KDM4C: variants seen among roughly 807,000 people sequenced by gnomAD.
KDM4C encodes lysine demethylase 4C, also known as lysine-specific demethylase 4C.
KDM4C carries 81 observed loss-of-function variants against 129.3 expected under a neutral mutation model. That is an observed-to-expected ratio of 0.63 (90% CI 0.52 to 0.75). The LOEUF is 0.75. Among genes scored for constraint, KDM4C ranks in the 30% least tolerant of loss-of-function variants. KDM4C has a pLI of 0.00. For synonymous variants in KDM4C, 573 were observed against 456.1 expected (o/e 1.26, Z -3.26); for missense variants, 1,457 against 1,304.0 (o/e 1.12, Z -1.81).
intron 4 of KDM4C, among the ~76,000 whole-genome samples, chr9:6,834,114 C>T (rs1231397288): frequency 2.1e-5 from 3 of 142,338 alleles, no homozygotes; most frequent in South Asian, 2.3e-4. Flanking sequence ...TCTTGGCTCA[C>T]TGCAACCTCC....
In KDM4C at chr9:7,128,193, A is replaced by T. The variant is rs760389785; in HGVS notation, c.2738A>T (p.Asp913Val). 1 of 1,609,624 alleles carries T rather than the reference A, an allele frequency of 6.2e-7. No homozygotes were observed. The highest frequency in any genetic ancestry group is 1.3e-5 in the African/African-American group (1 of 74,682). ...TSQTFYEVMF[D>V]DGSFSRDTFP... ...CAGACCTTCTATGAGGTCATGTTTG[A>T]TGATGGCTCCTTTAGCAGAGACACA... Residue 913 changes from aspartate to valine, a missense_variant, in exon 19 of 22, where the codon GAT (aspartate) becomes GTT (valine). Asp to Val is a radical substitution (Grantham distance 152, BLOSUM62 -3). Coordinates refer to ENST00000381309, the MANE Select transcript of KDM4C (RefSeq NM_015061.6).
At chr9:7,172,449 C>CAGCAGAA (rs1845060757) in intron 21 of KDM4C, among the ~76,000 whole-genome samples, 1 of 152,374 alleles carries the variant, frequency 6.6e-6, no homozygotes, top group Admixed American at 6.5e-5. Context: ...ACAGTGGCAA[C>CAGCAGAA]ACTTTCATAG....
chr9:6,836,827 A>G (rs1159172651), intron 4 of KDM4C, among the ~76,000 whole-genome samples: 3 of 151,908 alleles, frequency 2.0e-5, no homozygotes, highest in Non-Finnish European at 4.4e-5. Context: ...TGAATTTACA[A>G]CTTTTTTTTT....
chr9:6,817,772 T>TTC (rs1588477677), intron 4 of KDM4C, among the ~76,000 whole-genome samples: 2 of 143,806 alleles, frequency 1.4e-5, no homozygotes, highest in East Asian at 3.9e-4. Context: ...CCTTTTTTTT[T>TTC]TTTTTTTTTT....
intron 21 of KDM4C, among the ~76,000 whole-genome samples, chr9:7,172,461 T>C (rs1158968278): frequency 6.6e-6 from 1 of 152,254 alleles, no homozygotes; most frequent in East Asian, 1.9e-4. Flanking sequence ...CTTTCATAGA[T>C]GTTTTATTTT....
intron 1 of KDM4C, among the ~76,000 whole-genome samples, chr9:6,748,523 A>AAAG (rs1817958457): frequency 6.6e-6 from 1 of 151,016 alleles, no homozygotes; most frequent in African/African-American, 2.4e-5. Context: ...AAAAAAAAAA[A>AAAG]AGATTTATTA....
intron 19 of KDM4C, among the ~76,000 whole-genome samples, chr9:7,160,088 A>T (rs965439552): frequency 3.3e-5 from 5 of 151,970 alleles, no homozygotes; most frequent in African/African-American, 1.2e-4. Flanking sequence ...TTTGATCTTC[A>T]ATCACTGATA....
chr9:6,819,023 C>T (rs1832592487), intron 4 of KDM4C: 1 of 152,158 alleles, frequency 6.6e-6, no homozygotes, highest in African/African-American at 2.4e-5. Flanking sequence ...TCATCCAGAT[C>T]CTGGCCTGAA....
intron 3 of KDM4C, among the ~76,000 whole-genome samples, chr9:6,810,120 A>G (rs1438431649): frequency 6.6e-6 from 1 of 152,244 alleles, no homozygotes; most frequent in Non-Finnish European, 1.5e-5. Flanking sequence ...TTCTCTTGTT[A>G]TAAAGAAACT....
chr9:7,161,119 C>G (rs6477170), intron 19 of KDM4C, among the ~76,000 whole-genome samples: 123,252 of 152,168 alleles, frequency 0.81, 50,341 homozygotes, highest in African/African-American at 0.87. Context: ...GGCTCCATGG[C>G]CACGGGACCC....
At chr9:6,958,282 G>A (rs1471358691) in intron 8 of KDM4C, among the ~76,000 whole-genome samples, 2 of 152,188 alleles carry the variant, frequency 1.3e-5, no homozygotes, top group East Asian at 3.9e-4. Context: ...AGCAGCTAAG[G>A]ATAAGAATTA....
chr9:6,975,761 G>A (rs966063551), intron 8 of KDM4C, among the ~76,000 whole-genome samples: 1 of 152,188 alleles, frequency 6.6e-6, no homozygotes, highest in African/African-American at 2.4e-5. Flanking sequence ...AGAAATTCAG[G>A]GCCTGTGTGG....
intron 5 of KDM4C, among the ~76,000 whole-genome samples, chr9:6,873,909 A>AGAGAGC (rs991962830): frequency 1.4e-5 from 2 of 146,730 alleles, no homozygotes; most frequent in Non-Finnish European, 1.5e-5. Flanking sequence ...GAGGCGAGAG[A>AGAGAGC]GAGAGCGAGA....
intron 8 of KDM4C, among the ~76,000 whole-genome samples, chr9:6,932,624 A>C (rs58143962): frequency 0.25 from 38,531 of 152,122 alleles, 5,400 homozygotes; most frequent in South Asian, 0.39. Flanking sequence ...AAAGAGGTTA[A>C]GTGTCTCCCC....
At chr9:6,858,926 T>C (rs1488971097) in intron 5 of KDM4C, among the ~76,000 whole-genome samples, 2 of 152,182 alleles carry the variant, frequency 1.3e-5, no homozygotes, top group Non-Finnish European at 2.9e-5. Flanking sequence ...TGCAATTTAA[T>C]ATTTGTTATG....
intron 17 of KDM4C, among the ~76,000 whole-genome samples, chr9:7,066,344 T>C (rs562744573): frequency 1.3e-5 from 2 of 152,254 alleles, no homozygotes; most frequent in African/African-American, 4.8e-5. Context: ...TTACAGAACT[T>C]TCAAGGATGT....
At chr9:7,092,620 C>T (rs1835934047) in intron 17 of KDM4C, among the ~76,000 whole-genome samples, 1 of 152,166 alleles carries the variant, frequency 6.6e-6, no homozygotes, top group Non-Finnish European at 1.5e-5. Flanking sequence ...GTGAAGCTTG[C>T]TGGGCACTTC....
At chr9:6,990,701 G>T (rs143114335) in intron 12 of KDM4C, among the ~76,000 whole-genome samples, 177 bp downstream of exon 12, 89 of 152,242 alleles carry the variant, frequency 5.8e-4, no homozygotes, top group Middle Eastern at 3.4e-3. Flanking sequence ...TAGAGGTAAA[G>T]ACGTACTTCA....
At chr9:6,785,262 C>A (rs1445660427) in intron 1 of KDM4C, among the ~76,000 whole-genome samples, 1 of 151,656 alleles carries the variant, frequency 6.6e-6, no homozygotes, top group African/African-American at 2.4e-5. Flanking sequence ...CATTCCTTGG[C>A]TTGCAGCTGC....
Sources: allele counts gnomAD v4.1 joint callset (sites outside exome capture counted in the v4.1 genomes callset), GRCh38; gene constraint gnomAD v4.1.1; transcripts MANE v1.5; gene names NCBI Gene and HGNC (gene_info 2026-07-23, HGNC 2026-07-21).